The following KCNN2 variants were observed in gnomAD, a reference collection of about 807,000 sequenced individuals.
KCNN2 encodes potassium calcium-activated channel subfamily N member 2.
A neutral mutation model predicts 55.5 loss-of-function variants in KCNN2; 24 were observed. The ratio of observed to expected loss-of-function variants is 0.43; its 90% CI spans 0.31 to 0.61. The LOEUF is 0.61. Ranked by LOEUF, KCNN2 falls within the 20% of genes least tolerant of loss-of-function variation. KCNN2 has a pLI of 0.08. For missense variants in KCNN2, 754 were observed against 853.6 expected (o/e 0.88, Z 1.45); for synonymous variants, 431 against 336.1 (o/e 1.28, Z -3.09).
intron 1 of KCNN2, among the ~76,000 whole-genome samples, chr5:114,183,785 C>T (rs1289453964): frequency 6.8e-6 from 1 of 147,650 alleles, no homozygotes; most frequent in Non-Finnish European, 1.5e-5. Context: ...TTTTGTTGAT[C>T]TTTTCCAATA....
At chr5:114,177,382 C>A (rs1390702818) in intron 1 of KCNN2, among the ~76,000 whole-genome samples, 2 of 152,050 alleles carry the variant, frequency 1.3e-5, no homozygotes, top group African/African-American at 2.4e-5. Context: ...CGTGATCCAC[C>A]CGCCTTGGCC....
intron 2 of KCNN2, among the ~76,000 whole-genome samples, chr5:114,334,078 G>A (rs1192150600): frequency 6.6e-6 from 1 of 152,100 alleles, no homozygotes; most frequent in East Asian, 1.9e-4. Flanking sequence ...CATATTTAAA[G>A]CACTTATTAT....
chr5:114,145,881 AT>A (rs1752388976), intron 1 of KCNN2, among the ~76,000 whole-genome samples: 1 of 152,008 alleles, frequency 6.6e-6, no homozygotes, highest in African/African-American at 2.4e-5. Flanking sequence ...GGCTGACTGG[AT>A]TGTCTGTTGT....
chr5:114,104,915 A>G (rs545424237), intron 1 of KCNN2, among the ~76,000 whole-genome samples: 20 of 152,096 alleles, frequency 1.3e-4, no homozygotes, highest in African/African-American at 4.8e-4. Context: ...AGGGAGTAGA[A>G]ATAGTTGTGT....
intron 2 of KCNN2, among the ~76,000 whole-genome samples, chr5:114,304,369 G>T (rs1004455159): frequency 2.6e-5 from 4 of 152,116 alleles, no homozygotes; most frequent in Non-Finnish European, 5.9e-5. Flanking sequence ...AGGCCTTTTG[G>T]CCCCACTCAG....
intron 1 of KCNN2, among the ~76,000 whole-genome samples, chr5:114,082,217 C>CA (rs1340598027): frequency 6.6e-6 from 1 of 151,498 alleles, no homozygotes; most frequent in African/African-American, 2.4e-5. Flanking sequence ...CCTAGCTACT[C>CA]AGAGGCTGAA....
chr5:114,251,133 C>T (rs1754849747), intron 2 of KCNN2, among the ~76,000 whole-genome samples: 8 of 152,138 alleles, frequency 5.3e-5, no homozygotes, highest in Admixed American at 5.2e-4. Flanking sequence ...TATCATGGGC[C>T]CTTTGTAAAG....
intron 5 of KCNN2, among the ~76,000 whole-genome samples, chr5:114,474,747 C>G (rs1761894682): frequency 6.6e-6 from 1 of 152,108 alleles, no homozygotes; most frequent in South Asian, 2.1e-4. Flanking sequence ...AGAACACTTG[C>G]ATTAAGACCC....
intron 2 of KCNN2, among the ~76,000 whole-genome samples, chr5:114,369,355 G>A (rs1757696205): frequency 6.6e-6 from 1 of 152,168 alleles, no homozygotes; most frequent in African/African-American, 2.4e-5. Flanking sequence ...AGCAAATGGA[G>A]TTATCAGAAG....
rs771627065 is a variant in KCNN2, at chr5:114,363,895, C to CT, written c.1123-10dup. On this transcript the variant is annotated splice_polypyrimidine_tract_variant and intron_variant, in intron 1 of 7. Coordinates refer to ENST00000673685, the MANE Select transcript of KCNN2 (RefSeq NM_021614.4). ...CTTTCTTAAAAGTGCTTCTGTCTGA[C>CT]TGTGTTGCAGGCGTCGCTGTATTCC... is the stretch of plus-strand genomic sequence containing the variant. 1.2e-6 allele frequency: 2 copies of CT among 1,606,694 alleles called. No individual in the cohort carries two copies. The highest frequency in any genetic ancestry group is 1.7e-6 in the Non-Finnish European group (2 of 1,173,362).
intron 2 of KCNN2, among the ~76,000 whole-genome samples, chr5:114,387,140 C>T (rs1336984414): frequency 6.6e-6 from 1 of 152,184 alleles, no homozygotes; most frequent in Non-Finnish European, 1.5e-5. Context: ...TTGTCTGGTT[C>T]TGAATCCAAG....
intron 4 of KCNN2, among the ~76,000 whole-genome samples, chr5:114,467,435 T>C (rs891478616): frequency 1.3e-5 from 2 of 152,232 alleles, no homozygotes; most frequent in Non-Finnish European, 2.9e-5. Context: ...TCTTACACAA[T>C]TTGACATTGG....
At chr5:114,415,851 T>C (rs531703753) in intron 3 of KCNN2, among the ~76,000 whole-genome samples, 1 of 152,316 alleles carries the variant, frequency 6.6e-6, no homozygotes, top group Non-Finnish European at 1.5e-5. Context: ...TTCATTGTTT[T>C]TGAATGTGCT....
chr5:114,493,080 G>C (rs1747939194), intron 6 of KCNN2, among the ~76,000 whole-genome samples: 1 of 152,108 alleles, frequency 6.6e-6, no homozygotes, highest in Non-Finnish European at 1.5e-5. Flanking sequence ...TATGTGTCAT[G>C]ATACTGGGGC....
At chr5:114,102,391 G>C (rs779920414) in intron 1 of KCNN2, among the ~76,000 whole-genome samples, 1 of 151,906 alleles carries the variant, frequency 6.6e-6, no homozygotes, top group Non-Finnish European at 1.5e-5. Flanking sequence ...TAGATTGCCT[G>C]TTCACTCTAA....
At chr5:114,359,769 C>T (rs991270187), upstream of KCNN2, among the ~76,000 whole-genome samples, 1 of 152,172 alleles carries the variant, frequency 6.6e-6, no homozygotes, top group Non-Finnish European at 1.5e-5. Flanking sequence ...CTACGTATAG[C>T]AACTGGAAAG....
chr5:114,230,644 T>C (rs1348976048), intron 2 of KCNN2, among the ~76,000 whole-genome samples: 1 of 56,104 alleles, frequency 1.8e-5, no homozygotes, highest in African/African-American at 5.7e-5. Flanking sequence ...TAGTATTCCA[T>C]GGTGTATATG....
At chr5:114,317,190 G>T (rs1022084167) in intron 2 of KCNN2, among the ~76,000 whole-genome samples, 2 of 151,794 alleles carry the variant, frequency 1.3e-5, no homozygotes, top group Non-Finnish European at 2.9e-5. Context: ...AGAAAATAGA[G>T]CCTTGTCTGG....
At chr5:114,164,035 G>C (rs1265227520) in intron 1 of KCNN2, among the ~76,000 whole-genome samples, 1 of 152,086 alleles carries the variant, frequency 6.6e-6, no homozygotes, top group Non-Finnish European at 1.5e-5. Context: ...CTCATGGAAT[G>C]AACCTGATTG....
Sources: gnomAD v4.1 joint callset for allele counts (sites outside exome capture counted in the v4.1 genomes callset) on GRCh38, gnomAD v4.1.1 for gene constraint, MANE v1.5 for transcripts, NCBI Gene and HGNC (gene_info 2026-07-23, HGNC 2026-07-21) for gene names.